The following AKAP6 variants were observed in gnomAD, a reference collection of about 807,000 sequenced individuals.
AKAP6 encodes the protein A-kinase anchor protein 6.
AKAP6 carries 58 observed loss-of-function variants against 188.5 expected under a neutral mutation model. The observed-to-expected ratio is 0.31, with a 90% CI of 0.25 to 0.38. The LOEUF (loss-of-function observed/expected upper bound fraction) is 0.38. Ranked by LOEUF, AKAP6 falls within the 10% of genes least tolerant of loss-of-function variation. The pLI, the probability that AKAP6 is intolerant of heterozygous loss-of-function variation, is 1.00. For missense variants in AKAP6, 2,710 were observed against 2,740.0 expected (o/e 0.99, Z 0.24); for synonymous variants, 989 against 998.6 (o/e 0.99, Z 0.18).
chr14:32,745,171 C>T (rs539279434), intron 11 of AKAP6, among the ~76,000 whole-genome samples: 10 of 152,164 alleles, frequency 6.6e-5, no homozygotes, highest in South Asian at 4.2e-4. Context: ...AGATGTTCTT[C>T]GGTATCTGGG....
chr14:32,683,731 C>A (rs1349656049), intron 8 of AKAP6, among the ~76,000 whole-genome samples: 1 of 152,096 alleles, frequency 6.6e-6, no homozygotes. Flanking sequence ...GTGCAAACAG[C>A]CAGAATCACT....
intron 7 of AKAP6, among the ~76,000 whole-genome samples, chr14:32,654,722 G>T (rs1479590103): frequency 6.6e-6 from 1 of 151,608 alleles, no homozygotes; most frequent in Admixed American, 6.6e-5. Context: ...GGTGGCACAT[G>T]CTTGTGGTCC....
chr14:32,694,826 G>A (rs10137324), intron 8 of AKAP6, among the ~76,000 whole-genome samples: 31,694 of 151,916 alleles, frequency 0.21, 5,321 homozygotes, highest in East Asian at 0.49. Context: ...GAAAGCAGTC[G>A]TTTAATGTAC....
intron 2 of AKAP6, among the ~76,000 whole-genome samples, chr14:32,466,739 CA>C (rs71432057): frequency 2.0e-3 from 217 of 106,126 alleles, no homozygotes; most frequent in African/African-American, 4.0e-3. Flanking sequence ...ACTTAAAGTT[CA>C]AAAAAAAAAA....
rs1301546201 is a variant in AKAP6, at chr14:32,822,175, G to A, written c.4362G>A (p.Leu1454=). The change falls in exon 13 of 14, where the codon TTG becomes TTA. Residue 1454 remains leucine, a synonymous_variant. Transcript: ENST00000280979. ...NSITKHTPDC[L]GEELQGKHDV... Reference sequence around the variant, plus strand: ...TTACCAAACATACCCCTGACTGTTTGGGAGAAGAATTACAAGGAAAACATG... The same window carrying A: ...TTACCAAACATACCCCTGACTGTTTAGGAGAAGAATTACAAGGAAAACATG... 5 of 1,613,734 alleles carry A rather than the reference G, an allele frequency of 3.1e-6. No individual in the cohort carries two copies. In the Admixed American group the frequency reaches 5.0e-5, roughly 16 times the overall value.
intron 7 of AKAP6, among the ~76,000 whole-genome samples, chr14:32,646,479 C>T (rs1477818950): frequency 2.0e-5 from 3 of 152,154 alleles, no homozygotes; most frequent in Non-Finnish European, 4.4e-5. Flanking sequence ...CTACCATAAG[C>T]GTTATATCAG....
intron 7 of AKAP6, among the ~76,000 whole-genome samples, chr14:32,615,050 T>A (rs1886505089): frequency 6.6e-6 from 1 of 150,922 alleles, no homozygotes; most frequent in African/African-American, 2.4e-5. Flanking sequence ...ACACCTGTAG[T>A]CCTAGCTACT....
rs561607802 is a variant in AKAP6, at chr14:32,831,104, G to T, written c.*1299G>T. 55 of 152,178 alleles carry T rather than the reference G, an allele frequency of 3.6e-4. No individual in the cohort carries two copies. Among genetic ancestry groups the T allele is most frequent in the Non-Finnish European group, 7.4e-4 (50 of 67,986 alleles). 9.4% of individuals were successfully genotyped at this position (152,178 alleles called of 1,614,324 possible). ...TTTAATGTTGGATTTCAGGTACCTT[G>T]TATGTCTTAATTTATTTTAAATATT... On this transcript the variant is annotated 3_prime_UTR_variant, in exon 14 of 14. Coordinates refer to ENST00000280979, the MANE Select transcript of AKAP6 (RefSeq NM_004274.5).
At chr14:32,684,576 C>A (rs2139658929) in intron 8 of AKAP6, among the ~76,000 whole-genome samples, 1 of 152,204 alleles carries the variant, frequency 6.6e-6, no homozygotes, top group South Asian at 2.1e-4. Context: ...TCACTGTAGT[C>A]TAATTTCCTA....
At chr14:32,338,877 T>C (rs1388270045) in intron 1 of AKAP6, among the ~76,000 whole-genome samples, 2 of 152,140 alleles carry the variant, frequency 1.3e-5, no homozygotes, top group Non-Finnish European at 2.9e-5. Context: ...TGGGGTAAGA[T>C]TATTACTCTC....
intron 11 of AKAP6, among the ~76,000 whole-genome samples, chr14:32,757,414 A>G (rs1326968738): frequency 6.6e-6 from 1 of 152,132 alleles, no homozygotes; most frequent in African/African-American, 2.4e-5. Flanking sequence ...TCTTCTGAGA[A>G]CGCCTCACTC....
intron 3 of AKAP6, among the ~76,000 whole-genome samples, chr14:32,542,936 C>T (rs10148111): frequency 0.29 from 44,715 of 152,058 alleles, 8,823 homozygotes; most frequent in African/African-American, 0.56. Context: ...CACATGACTG[C>T]ACATATTTAT....
intron 1 of AKAP6, among the ~76,000 whole-genome samples, chr14:32,426,512 G>A (rs1890036082): frequency 6.6e-6 from 1 of 152,050 alleles, no homozygotes; most frequent in South Asian, 2.1e-4. Context: ...CATTGACAAA[G>A]GCAACAACTG....
chr14:32,528,433 G>A lies in AKAP6; in HGVS notation c.325-7121G>A, dbSNP rs535274063. Among the ~76,000 whole-genome samples the A allele has an allele frequency of 5.1e-4, 78 of 152,160 alleles. 1 individual carries two copies. The highest frequency in any genetic ancestry group is 1.8e-3 in the African/African-American group (75 of 41,514). ...TCCAGCACCGTTTGTTGAAAAGACT[G>A]TCTTTTCTCTATTGTGTTGCCTTTG... On this transcript the variant is annotated intron_variant, in intron 2 of 13. Coordinates refer to ENST00000280979, the MANE Select transcript of AKAP6 (RefSeq NM_004274.5).
chr14:32,467,280 CAG>C (rs1878519726), intron 2 of AKAP6, among the ~76,000 whole-genome samples: 2 of 150,582 alleles, frequency 1.3e-5, no homozygotes, highest in African/African-American at 4.9e-5. Flanking sequence ...ATTATTTAAA[CAG>C]AATGTTAGGA....
At position 32,535,694 on chromosome 14, in the gene AKAP6, A is replaced by G; in HGVS notation, c.465A>G (p.Arg155=). ...HAVQLLWHQL[R]VSVLVLRERI... ...TGCAGCTCCTCTGGCACCAGCTTCG[A>G]GTCTCAGTGCTGGTTCTGCGGGAGC... is the stretch of plus-strand genomic sequence containing the variant. The change falls in exon 3 of 14, where the codon CGA becomes CGG. Residue 155 remains arginine (R), a synonymous_variant. Coordinates refer to ENST00000280979, the MANE Select transcript of AKAP6 (RefSeq NM_004274.5). 6.8e-6 allele frequency: 11 copies of G among 1,614,234 alleles called. No individual in the cohort carries two copies. The highest frequency in any genetic ancestry group is 2.7e-5 in the African/African-American group (2 of 75,086).
At chr14:32,622,610 A>G (rs1175767534) in intron 7 of AKAP6, among the ~76,000 whole-genome samples, 1 of 152,158 alleles carries the variant, frequency 6.6e-6, no homozygotes, top group African/African-American at 2.4e-5. Flanking sequence ...AATTGATTAG[A>G]TGAAATATAT....
intron 1 of AKAP6, 43 bp from the exon 2 acceptor site, chr14:32,433,417 A>G (rs1247613139): frequency 7.6e-7 from 1 of 1,324,006 alleles, no homozygotes; most frequent in Non-Finnish European, 1.0e-6. Context: ...TTATTTGGCA[A>G]TCTTGACTGA....
chr14:32,676,066 C>T (rs1380194427), intron 7 of AKAP6, among the ~76,000 whole-genome samples: 1 of 152,114 alleles, frequency 6.6e-6, no homozygotes, highest in African/African-American at 2.4e-5. Flanking sequence ...AACAGGAACC[C>T]TTAGATATCA....
Sources: allele counts gnomAD v4.1 joint callset (sites outside exome capture counted in the v4.1 genomes callset), GRCh38; gene constraint gnomAD v4.1.1; transcripts MANE v1.5; gene names NCBI Gene and HGNC (gene_info 2026-07-23, HGNC 2026-07-21).